The following SERINC5 variants were observed in gnomAD, a reference collection of about 807,000 sequenced individuals.
SERINC5 encodes chromosome 5 open reading frame 12.
A neutral mutation model predicts 63.1 loss-of-function variants in SERINC5; 41 were observed. The ratio of observed to expected loss-of-function variants is 0.65; its 90% CI spans 0.51 to 0.84. SERINC5 has a LOEUF of 0.84. Among genes scored for constraint, SERINC5 ranks in the 40% least tolerant of loss-of-function variants. SERINC5 has a pLI of 0.00. For missense variants in SERINC5, 523 were observed against 573.0 expected, an observed-to-expected ratio of 0.91 and a Z score of 0.89; for synonymous variants, 222 against 215.2, an observed-to-expected ratio of 1.03 and a Z score of -0.28.
chr5:80,234,484 A>C (rs1462020352), intron 1 of SERINC5, among the ~76,000 whole-genome samples: 1 of 152,166 alleles, frequency 6.6e-6, no homozygotes, highest in East Asian at 1.9e-4. Context: ...TGTTATCTCC[A>C]AACCCACTTC....
intron 2 of SERINC5, 24 bp from the exon 3 acceptor site, chr5:80,178,088 C>T (rs764458767): frequency 4.5e-6 from 7 of 1,539,784 alleles, no homozygotes; most frequent in Non-Finnish European, 6.2e-6. Context: ...TTAGAAAAGT[C>T]ATCTGTTACA....
At chr5:80,171,760 T>G (rs1031288164) in intron 5 of SERINC5, among the ~76,000 whole-genome samples, 2 of 151,978 alleles carry the variant, frequency 1.3e-5, no homozygotes, top group Non-Finnish European at 2.9e-5. Flanking sequence ...GACATGCTAA[T>G]TAGCCAGCTT....
intron 11 of SERINC5, among the ~76,000 whole-genome samples, chr5:80,113,868 C>T (rs967034823): frequency 1.3e-5 from 2 of 151,946 alleles, no homozygotes; most frequent in African/African-American, 4.9e-5. Context: ...CACCTGATGG[C>T]ACCCACCCAT....
At chr5:80,118,740 A>ATTTTT (rs1744432092) in intron 11 of SERINC5, among the ~76,000 whole-genome samples, 1 of 93,434 alleles carries the variant, frequency 1.1e-5, no homozygotes, top group Non-Finnish European at 2.0e-5. Context: ...TTTTTTGTAG[A>ATTTTT]GATGGGGTTT....
rs537331637 is a variant in SERINC5 at position 80,214,623 on chromosome 5, G to A, written c.28-11570C>T. 4.6e-5 allele frequency among the ~76,000 whole-genome samples: 7 copies of A among 152,196 alleles called. No individual in the cohort carries two copies. The South Asian group carries it at 1.5e-3, about 32-fold the overall frequency. ...ACACTTGAAAATAGTTGGGTCAGGA[G>A]CAGTGGCTCATGCCTGTAATCCCAG... On this transcript the variant is annotated intron_variant, in intron 1 of 11. Coordinates refer to ENST00000507668, the MANE Select transcript of SERINC5 (RefSeq NM_001174072.3).
chr5:80,135,885 GA>G (rs769206046), downstream of SERINC5, among the ~76,000 whole-genome samples: 1,136 of 138,412 alleles, frequency 8.2e-3, 12 homozygotes, highest in African/African-American at 0.026. Flanking sequence ...GCAGAGGGAA[GA>G]AAAAAAAAAA....
At position 80,229,052 on chromosome 5, in the gene SERINC5, G is replaced by GGGGGGGT. The variant is rs1307981763; in HGVS notation, c.28-26000_28-25999insACCCCCC. ...TTTTTTTTTTTTTTTTTTTTTTTTG[G>GGGGGGGT]GGATGGAGTTGCCTAGGCTGGAGTG... On this transcript the variant is annotated intron_variant, in intron 1 of 11. Transcript: ENST00000507668. Among the ~76,000 whole-genome samples, 9 of 64,770 alleles carry GGGGGGGT rather than the reference G, an allele frequency of 1.4e-4. 1 individual carries two copies. Among genetic ancestry groups the GGGGGGGT allele is most frequent in the African/African-American group, 5.6e-4 (8 of 14,254 alleles). 42.5% of individuals were successfully genotyped at this position (64,770 alleles called of 152,430 possible). A position where few individuals can be genotyped will look rare whatever the true frequency, so the allele number is the denominator to read the frequency against.
chr5:80,255,032 G>A (rs1197070395), intron 1 of SERINC5: 1 of 152,154 alleles, frequency 6.6e-6, no homozygotes, highest in East Asian at 1.9e-4. Flanking sequence ...CCGAAACGCT[G>A]ATAATCCACA....
At chr5:80,214,868 G>T (rs1336911420) in intron 1 of SERINC5, among the ~76,000 whole-genome samples, 1 of 152,144 alleles carries the variant, frequency 6.6e-6, no homozygotes, top group Non-Finnish European at 1.5e-5. Context: ...TTGCACTCCA[G>T]CCTGGGCAAC....
chr5:80,166,846 T>TA (rs1561386869), intron 6 of SERINC5: 1 of 206,758 alleles, frequency 4.8e-6, no homozygotes, highest in African/African-American at 2.3e-5. Flanking sequence ...TAAAACCACA[T>TA]AGCTTAATTG....
chr5:80,191,479 CAAA>C (rs1167390197), intron 2 of SERINC5, among the ~76,000 whole-genome samples: 4 of 38,508 alleles, frequency 1.0e-4, no homozygotes, highest in African/African-American at 2.5e-4. Context: ...TCCATCTCTA[CAAA>C]AAAAAAAAAA....
Position 80,140,183 on chromosome 5 carries a change from A to C in SERINC5, c.*3480T>G, listed in dbSNP as rs1214607073. ...AAAAAATAAAAATCGGCCAGGTGTG[A>C]TGGGGCAAACCTGTGGTCTCAGCTA... On this transcript the variant is annotated 3_prime_UTR_variant, in exon 12 of 12. Coordinates refer to ENST00000507668, the MANE Select transcript of SERINC5 (RefSeq NM_001174072.3). 1.4e-6 allele frequency: 1 copy of C among 736,206 alleles called. No individual in the cohort carries two copies. Among genetic ancestry groups the C allele is most frequent in the Non-Finnish European group, 1.7e-6 (1 of 603,338 alleles). 45.6% of individuals were successfully genotyped at this position (736,206 alleles called of 1,614,324 possible).
intron 1 of SERINC5, among the ~76,000 whole-genome samples, chr5:80,207,596 T>C (rs1003540733): frequency 6.6e-5 from 10 of 152,214 alleles, no homozygotes; most frequent in African/African-American, 1.9e-4. Context: ...TAAAGTCATA[T>C]GCCATTGTAT....
intron 1 of SERINC5, among the ~76,000 whole-genome samples, chr5:80,224,801 T>C (rs1177329066): frequency 6.6e-6 from 1 of 151,646 alleles, no homozygotes; most frequent in East Asian, 1.9e-4. Flanking sequence ...TAATTTTGTA[T>C]TTTTAGTAGA....
chr5:80,241,411 G>A (rs529977255), intron 1 of SERINC5, among the ~76,000 whole-genome samples: 2 of 152,302 alleles, frequency 1.3e-5, no homozygotes, highest in East Asian at 1.9e-4. Flanking sequence ...GGAGGTTGCA[G>A]TGAGCCAAAA....
Position 80,229,240 on chromosome 5 carries a change from T to C in SERINC5, c.28-26187A>G, listed in dbSNP as rs914214099. Among the ~76,000 whole-genome samples the C allele has an allele frequency of 3.3e-5, 5 of 151,814 alleles. 1 individual carries two copies. Among genetic ancestry groups the C allele is most frequent in the Non-Finnish European group, 7.4e-5 (5 of 67,986 alleles). On this transcript the variant is annotated intron_variant, in intron 1 of 11. Coordinates refer to ENST00000507668, the MANE Select transcript of SERINC5 (RefSeq NM_001174072.3). ...GGTTTCACCATGTTGGCCAGGCTGG[T>C]CTCTAACTGCTGACCTCAAGTGATC...
chr5:80,171,469 G>GT (rs1437944896), intron 5 of SERINC5, among the ~76,000 whole-genome samples: 1 of 152,136 alleles, frequency 6.6e-6, no homozygotes, highest in African/African-American at 2.4e-5. Context: ...AGAAGGACCT[G>GT]TAACTGTGCT....
At chr5:80,126,644 C>G (rs1239415820) in intron 11 of SERINC5, among the ~76,000 whole-genome samples, 1 of 152,212 alleles carries the variant, frequency 6.6e-6, no homozygotes, top group African/African-American at 2.4e-5. Flanking sequence ...CTGTTCTGCA[C>G]ATACTACCAT....
intron 1 of SERINC5, among the ~76,000 whole-genome samples, chr5:80,232,182 A>G (rs1223652272): frequency 6.6e-6 from 1 of 151,338 alleles, no homozygotes; most frequent in Admixed American, 6.6e-5. Context: ...AGGCGGGCAG[A>G]TCACGAGGTC....
Sources: allele counts gnomAD v4.1 joint callset (sites outside exome capture counted in the v4.1 genomes callset), GRCh38; gene constraint gnomAD v4.1.1; transcripts MANE v1.5; gene names NCBI Gene and HGNC (gene_info 2026-07-23, HGNC 2026-07-21).